METTL15: variants seen among roughly 807,000 people sequenced by gnomAD.
METTL15 encodes the protein 12S rRNA N(4)-cytidine methyltransferase METTL15.
In METTL15, 34 loss-of-function variants were observed where a neutral mutation model predicts 38.3. The ratio of observed to expected loss-of-function variants is 0.89; its 90% CI spans 0.68 to 1.18. METTL15 has a LOEUF of 1.18. Among genes scored for constraint, METTL15 ranks in the 50% most tolerant of loss-of-function variants. The pLI is 0.00. For synonymous variants in METTL15, 162 were observed against 170.9 expected (o/e 0.95, Z 0.41); for missense variants, 438 against 498.4 (o/e 0.88, Z 1.15).
At chr11:28,242,301 A>G (rs1170444012) in intron 4 of METTL15, among the ~76,000 whole-genome samples, 1 of 152,192 alleles carries the variant, frequency 6.6e-6, no homozygotes, top group Admixed American at 6.5e-5. Flanking sequence ...ACTCTGGAAT[A>G]TGAGCTCAAA....
At chr11:28,235,013 T>C (rs1853881752) in intron 4 of METTL15, among the ~76,000 whole-genome samples, 2 of 152,088 alleles carry the variant, frequency 1.3e-5, no homozygotes, top group Non-Finnish European at 2.9e-5. Flanking sequence ...CAGTTTCAGC[T>C]TTCTACATGT....
intron 5 of METTL15, among the ~76,000 whole-genome samples, chr11:28,370,536 T>A (rs182924765): frequency 4.6e-5 from 7 of 152,030 alleles, no homozygotes; most frequent in African/African-American, 1.7e-4. Flanking sequence ...GATATCTTTT[T>A]GATACATTGA....
intron 6 of METTL15, among the ~76,000 whole-genome samples, chr11:28,308,299 A>G (rs531571879): frequency 9.2e-5 from 14 of 152,118 alleles, no homozygotes; most frequent in Middle Eastern, 3.4e-3. Flanking sequence ...TAATATTTCT[A>G]TATTCCTGAA....
intron 3 of METTL15, among the ~76,000 whole-genome samples, chr11:28,203,223 C>A (rs897037686): frequency 2.0e-5 from 3 of 152,006 alleles, no homozygotes; most frequent in Non-Finnish European, 2.9e-5. Context: ...TTTTAAAAAT[C>A]ATTTTTAAAT....
intron 4 of METTL15, among the ~76,000 whole-genome samples, chr11:28,215,985 A>G (rs1309240688): frequency 5.3e-5 from 8 of 152,170 alleles, no homozygotes; most frequent in Non-Finnish European, 4.4e-5. Context: ...AACCTTGGTG[A>G]CAGAGCAAGA....
intron 6 of METTL15, among the ~76,000 whole-genome samples, chr11:28,492,175 A>C (rs1359993323): frequency 6.6e-6 from 1 of 152,194 alleles, no homozygotes; most frequent in Non-Finnish European, 1.5e-5. Flanking sequence ...CTGGTGTTAC[A>C]TGAAAACATT....
At chr11:28,282,019 T>C (rs1223492321) in intron 4 of METTL15, among the ~76,000 whole-genome samples, 9 of 152,240 alleles carry the variant, frequency 5.9e-5, no homozygotes, top group Non-Finnish European at 1.2e-4. Context: ...AATGAATGAC[T>C]AAATCAGTTT....
intron 3 of METTL15, among the ~76,000 whole-genome samples, chr11:28,177,040 A>G (rs986951586): frequency 2.0e-5 from 3 of 152,024 alleles, no homozygotes; most frequent in Non-Finnish European, 4.4e-5. Flanking sequence ...GATACACTAG[A>G]AGGACAGTTC....
chr11:28,498,769 C>T (rs530471491), intron 6 of METTL15, among the ~76,000 whole-genome samples: 1 of 152,124 alleles, frequency 6.6e-6, no homozygotes, highest in Non-Finnish European at 1.5e-5. Flanking sequence ...CTTCATGATA[C>T]GGTAAGGTCC....
At chr11:28,324,896 A>G (rs1166944885) in intron 6 of METTL15, among the ~76,000 whole-genome samples, 1 of 152,158 alleles carries the variant, frequency 6.6e-6, no homozygotes, top group Non-Finnish European at 1.5e-5. Context: ...TCTCATCGAC[A>G]GCTTTCTTAT....
rs908238638 is a variant in METTL15, at chr11:28,168,339, T to TA, written c.271-42712dup. On this transcript the variant is annotated intron_variant, in intron 3 of 6. Transcript: ENST00000407364. ...AGCAATTACTGCTGTAATTGAGAAA[T>TA]AAAAAAAAAAACCTATAAAGATCAG... is the stretch of plus-strand genomic sequence containing the variant. Among the ~76,000 whole-genome samples the TA allele has an allele frequency of 1.4e-3, 206 of 143,114 alleles. 2 individuals are homozygous for TA. Among genetic ancestry groups the TA allele is most frequent in the Admixed American group, 1.7e-3 (24 of 14,348 alleles). The allele number at this position is 143,114 out of a possible 152,430, so 93.9% of individuals were successfully genotyped here.
At chr11:28,212,434 G>A (rs1354311354) in intron 4 of METTL15, among the ~76,000 whole-genome samples, 1 of 152,094 alleles carries the variant, frequency 6.6e-6, no homozygotes, top group African/African-American at 2.4e-5. Context: ...TTTGCGAAAC[G>A]TTGTATGAGT....
At chr11:28,461,863 G>C (rs555594160) in intron 6 of METTL15, among the ~76,000 whole-genome samples, 2 of 152,024 alleles carry the variant, frequency 1.3e-5, no homozygotes, top group East Asian at 3.9e-4. Flanking sequence ...AAGTAAAATG[G>C]AAACAATTTT....
At chr11:28,500,887 C>T (rs1851576796) in intron 6 of METTL15, among the ~76,000 whole-genome samples, 1 of 152,088 alleles carries the variant, frequency 6.6e-6, no homozygotes. Flanking sequence ...CCTCAGTAAG[C>T]CCAAGTGCTA....
intron 4 of METTL15, among the ~76,000 whole-genome samples, chr11:28,219,845 T>C (rs1399457247): frequency 1.3e-5 from 2 of 152,228 alleles, no homozygotes; most frequent in African/African-American, 2.4e-5. Flanking sequence ...GAGCAGGTTG[T>C]TCAGTTTCCA....
chr11:28,113,241 A>T, intron 2 of METTL15, 77 bp from the exon 3 acceptor site: 2 of 985,700 alleles, frequency 2.0e-6, no homozygotes, highest in African/African-American at 1.6e-5. Flanking sequence ...AATATTGCAT[A>T]TTAATTTGAT....
intron 6 of METTL15, among the ~76,000 whole-genome samples, chr11:28,471,209 C>T (rs903107468): frequency 6.6e-6 from 1 of 152,110 alleles, no homozygotes; most frequent in African/African-American, 2.4e-5. Flanking sequence ...AGTAAGCATA[C>T]TAGCAACCAA....
chr11:28,113,724 T>TCGCA, intron 3 of METTL15, 120 bp downstream of exon 3: 1 of 1,003,766 alleles, frequency 1.0e-6, no homozygotes, highest in Non-Finnish European at 1.4e-6. Context: ...ATCCCAACTT[T>TCGCA]TGATGGTTGA....
At chr11:28,351,436 C>A (rs1048117665) in intron 3 of METTL15, among the ~76,000 whole-genome samples, 4 of 152,148 alleles carry the variant, frequency 2.6e-5, no homozygotes, top group African/African-American at 9.7e-5. Context: ...AATTCAGAAA[C>A]AATTATTTAT....
Sources: allele counts gnomAD v4.1 joint callset (sites outside exome capture counted in the v4.1 genomes callset), GRCh38; gene constraint gnomAD v4.1.1; transcripts MANE v1.5; gene names NCBI Gene and HGNC (gene_info 2026-07-23, HGNC 2026-07-21).